The following PITPNA variants were observed in gnomAD, a reference collection of about 807,000 sequenced individuals.
PITPNA encodes phosphatidylinositol transfer protein alpha.
A neutral mutation model predicts 50.3 loss-of-function variants in PITPNA; 13 were observed. The observed-to-expected ratio is 0.26, with a 90% CI of 0.17 to 0.41. PITPNA has a LOEUF of 0.41. Among genes scored for constraint, PITPNA ranks in the 10% least tolerant of loss-of-function variants. The pLI is 1.00. For synonymous variants in PITPNA, 120 were observed against 119.6 expected, an observed-to-expected ratio of 1.00 and a Z score of -0.02; for missense variants, 207 against 333.4, an observed-to-expected ratio of 0.62 and a Z score of 2.95.
intron 4 of PITPNA, 76 bp from the exon 5 acceptor site, chr17:1,543,103 C>CCA: frequency 8.4e-7 from 1 of 1,184,408 alleles, no homozygotes; most frequent in Non-Finnish European, 1.2e-6. Flanking sequence ...CCCCCACCCC[C>CCA]CACAAGGAGG....
intron 10 of PITPNA, among the ~76,000 whole-genome samples, chr17:1,529,139 A>C (rs184704640): frequency 0.17 from 2,246 of 13,056 alleles, 65 homozygotes; most frequent in African/African-American, 0.22. Flanking sequence ...CTCCATCTCA[A>C]AAAAAAAAAA....
chr17:1,524,958 C>T (rs572212518), intron 10 of PITPNA, among the ~76,000 whole-genome samples: 10 of 152,118 alleles, frequency 6.6e-5, no homozygotes, highest in African/African-American at 2.2e-4. Flanking sequence ...ACTGGAGACG[C>T]GGTTCCAAAT....
chr17:1,539,177 C>T (rs981775851), intron 6 of PITPNA, among the ~76,000 whole-genome samples: 2 of 152,138 alleles, frequency 1.3e-5, no homozygotes, highest in African/African-American at 2.4e-5. Context: ...TGGCTATCCA[C>T]AGGAGTGATC....
In PITPNA at chr17:1,519,304, C is replaced by G. The variant is rs1801635; in HGVS notation, c.*1257G>C. ...GTCAGGTGACACTACAGCTCTCTCT[C>G]ATTCTCCCACTAAGAGGCAAACTCA... On this transcript the variant is annotated 3_prime_UTR_variant, in exon 12 of 12. Coordinates refer to ENST00000313486, the MANE Select transcript of PITPNA (RefSeq NM_006224.4). 21,361 of 152,230 alleles carry G rather than the reference C, an allele frequency of 0.14. 2,643 individuals are homozygous for G. The highest frequency in any genetic ancestry group is 0.33 in the African/African-American group (13,786 of 41,448). 9.4% of individuals were successfully genotyped at this position (152,230 alleles called of 1,614,324 possible).
chr17:1,521,684 T>G, intron 10 of PITPNA, 39 bp from the exon 11 acceptor site: 1 of 1,573,056 alleles, frequency 6.4e-7, no homozygotes, highest in South Asian at 1.1e-5. Flanking sequence ...AGGCTCCTGC[T>G]GCTGATGGAA....
At chr17:1,547,838 C>CA (rs1174309590) in intron 4 of PITPNA, among the ~76,000 whole-genome samples, 1 of 151,652 alleles carries the variant, frequency 6.6e-6, no homozygotes, top group East Asian at 1.9e-4. Flanking sequence ...TACTACAATA[C>CA]AAAAAATTAG....
At position 1,526,787 on chromosome 17, in the gene PITPNA, C is replaced by T. The variant is rs551394780; in HGVS notation, c.769-5142G>A. ...ATCTTTTTTTGTTTGTTTTTTGAGA[C>T]GGAGTCTTGCTCTGTCACCCAGGCT... On this transcript the variant is annotated intron_variant, in intron 10 of 11. Transcript: ENST00000313486. 7.9e-5 allele frequency among the ~76,000 whole-genome samples: 12 copies of T among 152,294 alleles called. No homozygotes were observed. The East Asian group carries it at 1.7e-3, about 22-fold the overall frequency.
rs953903826 is a variant in PITPNA, at chr17:1,518,625, T to C, written c.*1936A>G. ...AGCCCTTGTTAGGGCTAAAGTGATA[T>C]GTGTGGGTCTCAAGAGCCAAAGGAA... is the stretch of plus-strand genomic sequence containing the variant. On this transcript the variant is annotated 3_prime_UTR_variant, in exon 12 of 12. Transcript: ENST00000313486. 16 of 152,486 alleles carry C rather than the reference T, an allele frequency of 1.0e-4. No individual in the cohort carries two copies. The highest frequency in any genetic ancestry group is 3.6e-4 in the African/African-American group (15 of 41,442). The allele number at this position is 152,486 out of a possible 1,614,324, so 9.4% of individuals were successfully genotyped here. A position where few individuals can be genotyped will look rare whatever the true frequency, so the allele number is the denominator to read the frequency against.
At position 1,535,178 on chromosome 17, in the gene PITPNA, T is replaced by C. The variant is rs2075608336; in HGVS notation, c.645+4A>G. 1 of 1,594,768 alleles carries C rather than the reference T, an allele frequency of 6.3e-7. No homozygotes were observed. Among genetic ancestry groups the C allele is most frequent in the Admixed American group, 1.7e-5 (1 of 59,934 alleles). ...ACTGGGAAGGCCTCAGCCGAGCTAC[T>C]TACCTTATGGATGAAGTTCTCCACT... On this transcript the variant is annotated splice_donor_region_variant and intron_variant, in intron 9 of 11. Transcript: ENST00000313486.
intron 4 of PITPNA, among the ~76,000 whole-genome samples, chr17:1,546,683 C>A (rs2075676236): frequency 6.6e-6 from 1 of 152,150 alleles, no homozygotes; most frequent in South Asian, 2.1e-4. Flanking sequence ...CCTCTCAGGA[C>A]TCCCCAGGGT....
chr17:1,524,442 TAG>T lies in PITPNA; in HGVS notation c.769-2799_769-2798del, dbSNP rs371386038. On this transcript the variant is annotated intron_variant, in intron 10 of 11. Coordinates refer to ENST00000313486, the MANE Select transcript of PITPNA (RefSeq NM_006224.4). ...GCAAGGCTAATTTTTGTATTTTTTG[TAG>T]AGAGAGAGTTTTGCCATGCTGCCCA... is the stretch of plus-strand genomic sequence containing the variant. Among the ~76,000 whole-genome samples the T allele has an allele frequency of 1.4e-3, 214 of 151,640 alleles. 1 individual carries two copies. Among genetic ancestry groups the T allele is most frequent in the African/African-American group, 4.7e-3 (196 of 41,290 alleles).
chr17:1,529,381 G>A (rs1481904165), intron 10 of PITPNA, among the ~76,000 whole-genome samples: 4 of 151,792 alleles, frequency 2.6e-5, no homozygotes, highest in Admixed American at 6.6e-5. Context: ...AATTAGTGGC[G>A]TGTAGTGGCG....
At chr17:1,524,219 TG>T (rs1268804483) in intron 10 of PITPNA, among the ~76,000 whole-genome samples, 1 of 151,030 alleles carries the variant, frequency 6.6e-6, no homozygotes, top group Non-Finnish European at 1.5e-5. Context: ...TAATTTTTTG[TG>T]TTTTTAGTAG....
At chr17:1,520,708 CAG>C (rs535044872) in intron 11 of PITPNA, among the ~76,000 whole-genome samples, 170 bp from the exon 12 acceptor site, 289 of 152,284 alleles carry the variant, frequency 1.9e-3, no homozygotes, top group Admixed American at 3.3e-3. Context: ...GGCATCACAG[CAG>C]TCCGCCTCAT....
At chr17:1,541,447 C>T in intron 6 of PITPNA, 119 bp downstream of exon 6, 5 of 743,788 alleles carry the variant, frequency 6.7e-6, no homozygotes, top group Non-Finnish European at 1.2e-5. Context: ...AGGCAGAGGC[C>T]ACTGCCTTCC....
intron 10 of PITPNA, among the ~76,000 whole-genome samples, chr17:1,524,978 G>A (rs1378763319): frequency 6.6e-6 from 1 of 152,074 alleles, no homozygotes; most frequent in Non-Finnish European, 1.5e-5. Context: ...TGCTGTTTAT[G>A]TTATAGAATA....
chr17:1,520,901 C>G (rs1415298555), intron 11 of PITPNA, among the ~76,000 whole-genome samples: 1 of 152,084 alleles, frequency 6.6e-6, no homozygotes, highest in Non-Finnish European at 1.5e-5. Flanking sequence ...GTTTTTCATT[C>G]AGTGATTAAG....
rs878960740 is a variant in PITPNA at position 1,519,165 on chromosome 17, C to T, written c.*1396G>A. 1 of 152,544 alleles carries T rather than the reference C, an allele frequency of 6.6e-6. No individual in the cohort carries two copies. The highest frequency in any genetic ancestry group is 1.5e-5 in the Non-Finnish European group (1 of 68,068). 9.4% of individuals were successfully genotyped at this position (152,544 alleles called of 1,614,324 possible). On this transcript the variant is annotated 3_prime_UTR_variant, in exon 12 of 12. Coordinates refer to ENST00000313486, the MANE Select transcript of PITPNA (RefSeq NM_006224.4). Reference sequence around the variant, plus strand: ...CAAAAACAGGATACATTCTCCCACCCACTTCTTGCTTCCCGGACAAAGATT... The same window carrying T: ...CAAAAACAGGATACATTCTCCCACCTACTTCTTGCTTCCCGGACAAAGATT...
chr17:1,557,377 CA>C (rs1483957743), intron 2 of PITPNA, among the ~76,000 whole-genome samples: 1 of 152,184 alleles, frequency 6.6e-6, no homozygotes, highest in Non-Finnish European at 1.5e-5. Flanking sequence ...ATATTGGGAA[CA>C]GAGTGGAAGT....
Sources: allele counts gnomAD v4.1 joint callset (sites outside exome capture counted in the v4.1 genomes callset), GRCh38; gene constraint gnomAD v4.1.1; transcripts MANE v1.5; gene names NCBI Gene and HGNC (gene_info 2026-07-23, HGNC 2026-07-21).